Variants in DIO2 observed in about 807,000 individuals in gnomAD.
The protein encoded by DIO2 is type II iodothyronine deiodinase.
DIO2 carries 19 observed loss-of-function variants against 21.4 expected under a neutral mutation model. That is an observed-to-expected ratio of 0.89 (90% CI 0.62 to 1.30). The LOEUF is 1.30. DIO2 is among the 50% of genes most tolerant of loss of function. DIO2 has a pLI of 0.00. For missense variants in DIO2, 302 were observed against 338.1 expected, an observed-to-expected ratio of 0.89 and a Z score of 0.84; for synonymous variants, 122 against 132.9, an observed-to-expected ratio of 0.92 and a Z score of 0.57.
intron 2 of DIO2, among the ~76,000 whole-genome samples, chr14:80,230,600 C>T (rs1453579129): frequency 6.6e-6 from 1 of 152,122 alleles, no homozygotes; most frequent in Non-Finnish European, 1.5e-5. Context: ...TCACTAAACT[C>T]CTTACCTCTC....
chr14:80,212,017 T>G (rs1888227248), upstream of DIO2: 1 of 150,944 alleles, frequency 6.6e-6, no homozygotes, highest in South Asian at 2.1e-4. Context: ...AGGGTAGTTT[T>G]TTTTTTTTCT....
At chr14:80,223,171 C>T (rs942279170) in intron 2 of DIO2, among the ~76,000 whole-genome samples, 6 of 152,158 alleles carry the variant, frequency 3.9e-5, no homozygotes, top group East Asian at 1.9e-4. Flanking sequence ...TCTATTGGTA[C>T]GTGCTTGACA....
Position 80,198,899 on chromosome 14 carries a change from C to T in DIO2, c.*3790G>A, listed in dbSNP as rs751013100. ...CTAGTAAAGGTTTTCATTAATCCTT[C>T]AGTGGGACGGAAGTCAGAGTCTACA... On this transcript the variant is annotated 3_prime_UTR_variant, in exon 2 of 2. Transcript: ENST00000438257. 1 of 152,010 alleles carries T rather than the reference C, an allele frequency of 6.6e-6. No individual in the cohort carries two copies. The highest frequency in any genetic ancestry group is 2.4e-5 in the African/African-American group (1 of 41,386). 9.4% of individuals were successfully genotyped at this position (152,010 alleles called of 1,614,324 possible). A position where few individuals can be genotyped will look rare whatever the true frequency, so the allele number is the denominator to read the frequency against.
intron 2 of DIO2, among the ~76,000 whole-genome samples, chr14:80,218,109 T>C (rs1014041323): frequency 2.0e-5 from 3 of 152,004 alleles, no homozygotes; most frequent in African/African-American, 7.2e-5. Context: ...ATATTCAATA[T>C]AAAAAAAATC....
intron 2 of DIO2, among the ~76,000 whole-genome samples, chr14:80,226,980 T>C (rs1331060831): frequency 6.6e-6 from 1 of 152,228 alleles, no homozygotes; most frequent in Non-Finnish European, 1.5e-5. Flanking sequence ...TCCAGCCAAA[T>C]GATTGGCTAC....
chr14:80,216,685 C>G (rs963455027), intron 3 of DIO2: 1 of 152,054 alleles, frequency 6.6e-6, no homozygotes, highest in African/African-American at 2.4e-5. Flanking sequence ...GGAAATTGAA[C>G]TCACCCTTTC....
chr14:80,202,179 A>T lies in DIO2; in HGVS notation c.*510T>A. The T allele has an allele frequency of 2.6e-6, 1 of 386,914 alleles. No individual in the cohort carries two copies. Among genetic ancestry groups the T allele is most frequent in the Non-Finnish European group, 5.1e-6 (1 of 196,780 alleles). 24.0% of individuals were successfully genotyped at this position (386,914 alleles called of 1,614,324 possible). On this transcript the variant is annotated 3_prime_UTR_variant, in exon 2 of 2. Coordinates refer to ENST00000438257, the MANE Select transcript of DIO2 (RefSeq NM_013989.5). Reference sequence around the variant, plus strand: ...AAGCTGGAACATCAGAAATGACTCTAACATAAGGTCTAACCTTAACACCAA... The same window carrying T: ...AAGCTGGAACATCAGAAATGACTCTTACATAAGGTCTAACCTTAACACCAA...
intron 1 of DIO2, among the ~76,000 whole-genome samples, chr14:80,203,496 GTC>G (rs1166929288): frequency 1.3e-5 from 2 of 152,110 alleles, no homozygotes; most frequent in African/African-American, 4.8e-5. Context: ...GACAATAAAA[GTC>G]TTTTTCATTC....
intron 2 of DIO2, among the ~76,000 whole-genome samples, chr14:80,229,993 T>G (rs1381227659): frequency 3.3e-5 from 5 of 151,966 alleles, no homozygotes; most frequent in Non-Finnish European, 5.9e-5. Context: ...AACAGGGGTG[T>G]TGGGGGTAGC....
chr14:80,218,222 CACAT>C (rs1462273551), intron 2 of DIO2, among the ~76,000 whole-genome samples: 3 of 149,296 alleles, frequency 2.0e-5, no homozygotes, highest in Non-Finnish European at 4.4e-5. Flanking sequence ...GACACACACA[CACAT>C]AAACAAACAA....
rs200502602 is a variant in DIO2, at chr14:80,209,350, GT to G, written c.222+1900del. Among the ~76,000 whole-genome samples the G allele has an allele frequency of 4.3e-3, 613 of 143,892 alleles. 2 individuals carry two copies. Among genetic ancestry groups the G allele is most frequent in the African/African-American group, 8.4e-3 (335 of 39,684 alleles). 94.4% of individuals were successfully genotyped at this position (143,892 alleles called of 152,430 possible). ...TATATAAGTAAAATTCTTCCAATAA[GT>G]TTTTTTTTTTTTACTTTATAGGCAA... is the stretch of plus-strand genomic sequence containing the variant. On this transcript the variant is annotated intron_variant, in intron 1 of 1. Coordinates refer to ENST00000438257, the MANE Select transcript of DIO2 (RefSeq NM_013989.5).
chr14:80,213,529 T>C (rs900558598), upstream of DIO2, among the ~76,000 whole-genome samples: 37 of 152,194 alleles, frequency 2.4e-4, no homozygotes, highest in African/African-American at 8.0e-4. Flanking sequence ...CTTTTTTGCC[T>C]TTAAAAAAAC....
chr14:80,223,139 T>G (rs1367950397), intron 2 of DIO2, among the ~76,000 whole-genome samples: 3 of 152,212 alleles, frequency 2.0e-5, no homozygotes, highest in Non-Finnish European at 4.4e-5. Context: ...TAATCCATCA[T>G]GCCCAGCCTG....
In DIO2 at chr14:80,199,835, T is replaced by C. The variant is rs186063648; in HGVS notation, c.*2854A>G. On this transcript the variant is annotated 3_prime_UTR_variant, in exon 2 of 2. Transcript: ENST00000438257. ...GGACTAAGAAAGAGAACTCAGACTT[T>C]TATATATGATATAAATATATCATAG... 3.7e-4 allele frequency: 57 copies of C among 152,692 alleles called. No individual in the cohort carries two copies. Among genetic ancestry groups the C allele is most frequent in the African/African-American group, 1.2e-3 (50 of 41,548 alleles). 9.5% of individuals were successfully genotyped at this position (152,692 alleles called of 1,614,324 possible).
At position 80,211,387 on chromosome 14, in the gene DIO2, T is replaced by C. The variant is rs1296675037; in HGVS notation, c.86A>G (p.Asp29Gly). Reference sequence around the variant, plus strand: ...CACGTGCTTGAGCAGAATGACCGAGTCATAGAGAGCCAGGAAGAGGCAGTT... The same window carrying C: ...CACGTGCTTGAGCAGAATGACCGAGCCATAGAGAGCCAGGAAGAGGCAGTT... ...FSNCLFLALY[D>G]SVILLKHVVL... Residue 29 changes from aspartate to glycine, a missense_variant, in exon 1 of 2, where the codon GAC (aspartate) becomes GGC (glycine). Asp to Gly is a moderately conservative substitution (Grantham distance 94, BLOSUM62 -1). Coordinates refer to ENST00000438257, the MANE Select transcript of DIO2 (RefSeq NM_013989.5). 2 of 1,613,284 alleles carry C rather than the reference T, an allele frequency of 1.2e-6. No homozygotes were observed. Among genetic ancestry groups the C allele is most frequent in the Admixed American group, 1.7e-5 (1 of 59,944 alleles).
chr14:80,226,706 T>G (rs1248013282), intron 2 of DIO2, among the ~76,000 whole-genome samples: 1 of 152,208 alleles, frequency 6.6e-6, no homozygotes, highest in Non-Finnish European at 1.5e-5. Flanking sequence ...CCTCCAACCC[T>G]GCCACCATGG....
upstream of DIO2, among the ~76,000 whole-genome samples, chr14:80,216,420 T>C (rs1888361070): frequency 6.6e-6 from 1 of 151,560 alleles, no homozygotes; most frequent in African/African-American, 2.4e-5. Context: ...AACAATATAC[T>C]TCACTTAGGA....
upstream of DIO2, among the ~76,000 whole-genome samples, chr14:80,214,150 G>A (rs774150027): frequency 2.0e-5 from 3 of 152,332 alleles, no homozygotes; most frequent in Admixed American, 6.5e-5. Context: ...AACAATGGCA[G>A]AAGGAGGTGT....
rs147752010 is a variant in DIO2 at position 80,221,836 on chromosome 14, C to T, written c.-277-5099G>A. ...TCATAATAGGTCTGTGCACCTTACTCTCTAAAGTCATTCCCCTTCCTGAGT... is the reference window on the plus strand; with the variant it reads ...TCATAATAGGTCTGTGCACCTTACTTTCTAAAGTCATTCCCCTTCCTGAGT... On this transcript the variant is annotated intron_variant, in intron 2 of 4. Coordinates refer to the DIO2 transcript ENST00000553594. Among the ~76,000 whole-genome samples, 580 of 152,314 alleles carry T rather than the reference C, an allele frequency of 3.8e-3. 6 individuals carry two copies. The highest frequency in any genetic ancestry group is 0.013 in the African/African-American group (536 of 41,568).
Sources: gnomAD v4.1 joint callset for allele counts (sites outside exome capture counted in the v4.1 genomes callset) on GRCh38, gnomAD v4.1.1 for gene constraint, MANE v1.5 for transcripts, NCBI Gene and HGNC (gene_info 2026-07-23, HGNC 2026-07-21) for gene names.